DOCK2: variants seen among roughly 807,000 people sequenced by gnomAD.
DOCK2 encodes dedicator of cytokinesis protein 2.
A neutral mutation model predicts 248.9 loss-of-function variants in DOCK2; 87 were observed. The ratio of observed to expected loss-of-function variants is 0.35; its 90% CI spans 0.29 to 0.42. The LOEUF (loss-of-function observed/expected upper bound fraction) is 0.42. DOCK2 is among the 10% of genes least tolerant of loss of function. The pLI is 1.00. For missense variants in DOCK2, 1,747 were observed against 2,300.2 expected, an observed-to-expected ratio of 0.76 and a Z score of 4.92; for synonymous variants, 805 against 821.6, an observed-to-expected ratio of 0.98 and a Z score of 0.35.
chr5:169,725,958 A>G (rs746764681), intron 22 of DOCK2, among the ~76,000 whole-genome samples: 18 of 152,192 alleles, frequency 1.2e-4, no homozygotes, highest in Non-Finnish European at 2.5e-4. Context: ...TAGTGCTGCA[A>G]TAAAAAATAC....
chr5:169,668,122 T>G (rs1411638726), intron 2 of DOCK2, among the ~76,000 whole-genome samples: 2 of 152,236 alleles, frequency 1.3e-5, no homozygotes, highest in Non-Finnish European at 2.9e-5. Flanking sequence ...TCTCTGTGCC[T>G]CAGGTAGGCC....
chr5:169,863,954 G>A (rs909315662), intron 27 of DOCK2, among the ~76,000 whole-genome samples: 6 of 152,192 alleles, frequency 3.9e-5, no homozygotes, highest in African/African-American at 9.7e-5. Context: ...GTTGGAAGGT[G>A]TAGTGTGGGG....
intron 26 of DOCK2, among the ~76,000 whole-genome samples, chr5:169,808,331 C>T (rs1005548376): frequency 6.6e-6 from 1 of 152,136 alleles, no homozygotes; most frequent in Non-Finnish European, 1.5e-5. Context: ...GGGAATGGGA[C>T]AGGATGCTTG....
At chr5:169,894,928 G>C (rs1246163222) in intron 27 of DOCK2, among the ~76,000 whole-genome samples, 2 of 152,182 alleles carry the variant, frequency 1.3e-5, no homozygotes, top group East Asian at 3.9e-4. Context: ...CCCGTCTGCT[G>C]GTTTTGGTGT....
chr5:170,014,572 T>C (rs1199872033), intron 32 of DOCK2, among the ~76,000 whole-genome samples: 3 of 143,246 alleles, frequency 2.1e-5, no homozygotes, highest in Non-Finnish European at 4.5e-5. Flanking sequence ...ATGCAGCTTG[T>C]AGCTTCCATA....
chr5:169,741,803 A>AT lies in DOCK2; in HGVS notation c.2268-5569dup, dbSNP rs33955559. ...CACTTATCTCCCAGGATCTTTTACT[A>AT]TTTTTTTTTTTTTTTTTTTTTTTTG... is the stretch of plus-strand genomic sequence containing the variant. On this transcript the variant is annotated intron_variant, in intron 22 of 51. Transcript: ENST00000520908. Among the ~76,000 whole-genome samples the AT allele has an allele frequency of 6.8e-3, 562 of 82,334 alleles. 7 individuals are homozygous for AT. Among genetic ancestry groups the AT allele is most frequent in the African/African-American group, 0.016 (317 of 20,450 alleles). The allele number at this position is 82,334 out of a possible 152,430, so 54.0% of individuals were successfully genotyped here. A position where few individuals can be genotyped will look rare whatever the true frequency, so the allele number is the denominator to read the frequency against.
rs143202759 is a variant in DOCK2, at chr5:169,781,919, T to G, written c.2554+20294T>G. 2.8e-3 allele frequency among the ~76,000 whole-genome samples: 433 copies of G among 152,306 alleles called. 3 individuals are homozygous for G. The highest frequency in any genetic ancestry group is 9.9e-3 in the African/African-American group (412 of 41,550). The stretch of plus-strand genomic sequence containing the variant: ...CTCATCCCTGCCGATGTCCCAGATT[T>G]GCCAGAACCCCCGTCTGCAGCAGGA... On this transcript the variant is annotated intron_variant, in intron 25 of 51. Transcript: ENST00000520908.
chr5:169,853,660 G>A (rs1192723180), intron 27 of DOCK2, among the ~76,000 whole-genome samples: 1 of 152,016 alleles, frequency 6.6e-6, no homozygotes, highest in African/African-American at 2.4e-5. Flanking sequence ...CCTCACCAGA[G>A]GGCTTCGATC....
At chr5:169,966,889 G>A (rs974287259) in intron 27 of DOCK2, among the ~76,000 whole-genome samples, 2 of 152,168 alleles carry the variant, frequency 1.3e-5, no homozygotes, top group Non-Finnish European at 2.9e-5. Context: ...CCTATTCAAC[G>A]AAAGAGAGCC....
chr5:169,931,830 C>G (rs1183770339), intron 27 of DOCK2, among the ~76,000 whole-genome samples: 2 of 152,220 alleles, frequency 1.3e-5, no homozygotes, highest in African/African-American at 4.8e-5. Context: ...AATCCTTCCT[C>G]CAGGGATCAT....
intron 48 of DOCK2, among the ~76,000 whole-genome samples, chr5:170,078,243 T>C (rs888832206): frequency 2.6e-5 from 4 of 152,262 alleles, no homozygotes; most frequent in Middle Eastern, 3.4e-3. Context: ...GAGCTCTTCC[T>C]CCTGCACCAC....
At chr5:169,866,493 T>C (rs1213120204) in intron 27 of DOCK2, among the ~76,000 whole-genome samples, 1 of 152,026 alleles carries the variant, frequency 6.6e-6, no homozygotes, top group African/African-American at 2.4e-5. Flanking sequence ...CAGCATAGAG[T>C]AGGCACCAAG....
intron 1 of DOCK2, among the ~76,000 whole-genome samples, chr5:169,638,200 T>C (rs915982551): frequency 1.3e-5 from 2 of 152,172 alleles, no homozygotes; most frequent in Non-Finnish European, 2.9e-5. Context: ...GAGATAAATA[T>C]TTCGCAGGTG....
chr5:169,928,678 A>C (rs183300207), intron 27 of DOCK2, among the ~76,000 whole-genome samples: 1 of 152,240 alleles, frequency 6.6e-6, no homozygotes, highest in Non-Finnish European at 1.5e-5. Flanking sequence ...CAAACTGTTG[A>C]AGCGTAAAGC....
At chr5:169,950,177 G>A (rs1776601197) in intron 27 of DOCK2, among the ~76,000 whole-genome samples, 1 of 152,108 alleles carries the variant, frequency 6.6e-6, no homozygotes, top group Admixed American at 6.5e-5. Context: ...GTGGAAGGTG[G>A]TTGGAAGCTT....
chr5:169,938,272 T>C (rs1776081418), intron 27 of DOCK2, among the ~76,000 whole-genome samples: 1 of 151,946 alleles, frequency 6.6e-6, no homozygotes, highest in Admixed American at 6.6e-5. Context: ...TCCTGGGATG[T>C]CCGTGTCCAA....
intron 30 of DOCK2, among the ~76,000 whole-genome samples, chr5:170,002,801 C>T (rs776349265): frequency 2.8e-4 from 42 of 152,146 alleles, no homozygotes; most frequent in Non-Finnish European, 5.1e-4. Flanking sequence ...AATTCCCAAT[C>T]GGAAATCACC....
rs748998563 is a variant in DOCK2 at position 169,714,153 on chromosome 5, C to G, written c.1785C>G (p.Ser595Arg). 1.9e-6 allele frequency: 3 copies of G among 1,613,698 alleles called. No individual in the cohort carries two copies. The highest frequency in any genetic ancestry group is 3.3e-5 in the Admixed American group (2 of 59,976). The change falls in exon 18 of 52, where the codon AGC (serine) becomes AGG (arginine). Residue 595 changes from serine (S) to arginine (R), a missense_variant. Ser to Arg is a moderately radical substitution (Grantham distance 110). This residue lies in a region of DOCK2 where 858 missense variants were observed against 1,183.5 expected (regional missense o/e 0.72). Transcript: ENST00000520908. Reference protein sequence around the residue: ...SSSSVGGLSVSSRDVFSISTL... With the variant: ...SSSSVGGLSVRSRDVFSISTL... The stretch of plus-strand genomic sequence containing the variant: ...GCAGTGTTGGGGGGCTTTCTGTCAG[C>G]TCCCGGGATGTGTTCTCCATTTCCA...
At chr5:169,899,248 C>T (rs1271356115) in intron 27 of DOCK2, among the ~76,000 whole-genome samples, 1 of 152,174 alleles carries the variant, frequency 6.6e-6, no homozygotes, top group African/African-American at 2.4e-5. Context: ...TTGCCTTCAG[C>T]ACGCCCAGAC....
Sources: gnomAD v4.1 joint callset for allele counts (sites outside exome capture counted in the v4.1 genomes callset) on GRCh38, gnomAD v4.1.1 for gene constraint, gnomAD v4.1.1 regional missense constraint, MANE v1.5 for transcripts, NCBI Gene and HGNC (gene_info 2026-07-23, HGNC 2026-07-21) for gene names.